PXDNL: variants seen among roughly 807,000 people sequenced by gnomAD.
PXDNL encodes peroxidasin like.
In PXDNL, 145 loss-of-function variants were observed where a neutral mutation model predicts 150.8. The ratio of observed to expected loss-of-function variants is 0.96; its 90% CI spans 0.84 to 1.10. PXDNL has a LOEUF of 1.10. PXDNL is among the 50% of genes least tolerant of loss of function. The pLI is 0.00. For missense variants in PXDNL, 2,087 were observed against 1,873.9 expected (o/e 1.11, Z -2.10); for synonymous variants, 757 against 725.7 (o/e 1.04, Z -0.69).
At chr8:51,716,059 G>A (rs1816610431) in intron 1 of PXDNL, among the ~76,000 whole-genome samples, 2 of 152,116 alleles carry the variant, frequency 1.3e-5, no homozygotes, top group Non-Finnish European at 2.9e-5. Flanking sequence ...ACAGATCTCT[G>A]TATCATGAAA....
At chr8:51,547,931 T>C (rs559372976) in intron 4 of PXDNL, among the ~76,000 whole-genome samples, 7 of 152,090 alleles carry the variant, frequency 4.6e-5, no homozygotes, top group Middle Eastern at 3.4e-3. Flanking sequence ...AAGATATTTT[T>C]TAAAAATACA....
intron 1 of PXDNL, among the ~76,000 whole-genome samples, chr8:51,765,534 A>G (rs1413514265): frequency 6.6e-6 from 1 of 152,196 alleles, no homozygotes; most frequent in Non-Finnish European, 1.5e-5. Context: ...GTGTCTTTGA[A>G]GCCAAAGTGT....
chr8:51,747,175 A>C (rs1397851751), intron 1 of PXDNL, among the ~76,000 whole-genome samples: 2 of 152,230 alleles, frequency 1.3e-5, no homozygotes, highest in East Asian at 1.9e-4. Context: ...TCTCCCTGTG[A>C]GACTCAAAGA....
rs935778544 is a variant in PXDNL at position 51,773,936 on chromosome 8, C to T, written c.164+35245G>A. Reference sequence around the variant, plus strand: ...AATACTAGCTTAAACATTAGCACTGCTATGGGGATTAAGATTCAGAAAATC... The same window carrying T: ...AATACTAGCTTAAACATTAGCACTGTTATGGGGATTAAGATTCAGAAAATC... On this transcript the variant is annotated intron_variant, in intron 1 of 22. Transcript: ENST00000356297. 3.3e-5 allele frequency among the ~76,000 whole-genome samples: 5 copies of T among 152,028 alleles called. No homozygotes were observed. In the East Asian group the frequency reaches 5.8e-4, roughly 18 times the overall value.
intron 19 of PXDNL, among the ~76,000 whole-genome samples, chr8:51,353,698 G>A (rs1257640357): frequency 6.6e-6 from 1 of 152,126 alleles, no homozygotes; most frequent in Non-Finnish European, 1.5e-5. Context: ...TAGGGACAAA[G>A]TTAAAGACAT....
chr8:51,332,223 A>G (rs1586007249), intron 21 of PXDNL, among the ~76,000 whole-genome samples: 1 of 152,144 alleles, frequency 6.6e-6, no homozygotes, highest in Non-Finnish European at 1.5e-5. Context: ...CCCAGAAGAG[A>G]GACAACAATC....
chr8:51,659,623 G>C (rs138218025), intron 1 of PXDNL, among the ~76,000 whole-genome samples: 9 of 152,088 alleles, frequency 5.9e-5, no homozygotes, highest in Non-Finnish European at 1.3e-4. Context: ...GTGCACACCA[G>C]ACTCACCTCA....
intron 3 of PXDNL, among the ~76,000 whole-genome samples, chr8:51,582,235 G>C (rs73588778): frequency 0.025 from 3,755 of 152,176 alleles, 143 homozygotes; most frequent in African/African-American, 0.086. Flanking sequence ...ACTGAGGAAA[G>C]AGGGTGGCTG....
chr8:51,695,470 C>T (rs1378148289), intron 1 of PXDNL, among the ~76,000 whole-genome samples: 7 of 152,020 alleles, frequency 4.6e-5, no homozygotes, highest in Non-Finnish European at 7.4e-5. Context: ...TCCAGTGCTA[C>T]AACACACACA....
chr8:51,695,447 C>T (rs1484209455), intron 1 of PXDNL, among the ~76,000 whole-genome samples: 1 of 152,024 alleles, frequency 6.6e-6, no homozygotes, highest in East Asian at 1.9e-4. Context: ...GGAGACAGAT[C>T]AGAGCAGTAA....
chr8:51,544,805 C>A (rs1812319162), intron 4 of PXDNL, among the ~76,000 whole-genome samples: 1 of 152,100 alleles, frequency 6.6e-6, no homozygotes. Flanking sequence ...GTGCTACTGT[C>A]AAGACCTCTG....
chr8:51,594,875 GT>G (rs1563476761), intron 2 of PXDNL, among the ~76,000 whole-genome samples: 1 of 152,118 alleles, frequency 6.6e-6, no homozygotes, highest in Non-Finnish European at 1.5e-5. Flanking sequence ...AAATGTATGA[GT>G]GGGTCTGCTA....
At chr8:51,776,039 G>A (rs1275361594) in intron 1 of PXDNL, among the ~76,000 whole-genome samples, 2 of 152,156 alleles carry the variant, frequency 1.3e-5, no homozygotes, top group South Asian at 2.1e-4. Flanking sequence ...GTTGTGTAAG[G>A]AACGAAATAA....
Position 51,809,228 on chromosome 8 carries a change from G to A in PXDNL, c.117C>T (p.His39=). The A allele has an allele frequency of 6.2e-7, 1 of 1,613,596 alleles. No homozygotes were observed. Among genetic ancestry groups the A allele is most frequent in the Non-Finnish European group, 8.5e-7 (1 of 1,179,758 alleles). ...LCFKSTVRCM[H]LMLDHIPQVP... ...CCTGAGGAATGTGGTCCAGCATCAAGTGCATGCAGCGGACGGTGCTCTTAA... is the reference window on the plus strand; with the variant it reads ...CCTGAGGAATGTGGTCCAGCATCAAATGCATGCAGCGGACGGTGCTCTTAA... Residue 39 remains histidine, a synonymous_variant, in exon 1 of 23, where the codon CAC becomes CAT. Transcript: ENST00000356297.
chr8:51,332,866 C>T (rs867910436), intron 21 of PXDNL, among the ~76,000 whole-genome samples: 4 of 152,166 alleles, frequency 2.6e-5, no homozygotes, highest in South Asian at 2.1e-4. Flanking sequence ...TAAGAATAAT[C>T]GGTGTTCCTT....
chr8:51,462,675 T>C (rs920465442), intron 8 of PXDNL, among the ~76,000 whole-genome samples: 2 of 152,182 alleles, frequency 1.3e-5, no homozygotes, highest in East Asian at 1.9e-4. Flanking sequence ...CTACAATTCA[T>C]TGGCATTCCT....
intron 21 of PXDNL, among the ~76,000 whole-genome samples, chr8:51,326,428 G>A (rs1257924157): frequency 6.6e-6 from 1 of 152,188 alleles, no homozygotes; most frequent in East Asian, 1.9e-4. Flanking sequence ...AACCTGCAAA[G>A]CAGAGGTTGC....
At chr8:51,578,022 G>GA in intron 3 of PXDNL, among the ~76,000 whole-genome samples, 1 of 121,970 alleles carries the variant, frequency 8.2e-6, no homozygotes, top group South Asian at 2.6e-4. Flanking sequence ...AGGAAGGAAG[G>GA]AAGGAAGGAA....
rs1489292391 is a variant in PXDNL, at chr8:51,578,040, AGG to A, written c.308+14585_308+14586del. Reference sequence around the variant, plus strand: ...AAGGAAGGAAGGAAGGAAGGAAGGAAGGAAGGAAGGAAAGAAAGAAAGGAAAG... The same window carrying A: ...AAGGAAGGAAGGAAGGAAGGAAGGAAAAGGAAGGAAAGAAAGAAAGGAAAG... On this transcript the variant is annotated intron_variant, in intron 3 of 22. Coordinates refer to ENST00000356297, the MANE Select transcript of PXDNL (RefSeq NM_144651.5). 6.3e-4 allele frequency among the ~76,000 whole-genome samples: 91 copies of A among 143,884 alleles called. 4 individuals carry two copies. Among genetic ancestry groups the A allele is most frequent in the African/African-American group, 2.4e-3 (88 of 36,722 alleles). 94.4% of individuals were successfully genotyped at this position (143,884 alleles called of 152,430 possible).
Sources: allele counts gnomAD v4.1 joint callset (sites outside exome capture counted in the v4.1 genomes callset), GRCh38; gene constraint gnomAD v4.1.1; transcripts MANE v1.5; gene names NCBI Gene and HGNC (gene_info 2026-07-23, HGNC 2026-07-21).